SMAD3: variants seen among roughly 807,000 people sequenced by gnomAD.
The protein encoded by SMAD3 is MAD homolog 3.
Under a neutral mutation model 51.8 loss-of-function variants are expected in SMAD3, and 12 were observed. The observed-to-expected ratio is 0.23, with a 90% confidence interval of 0.15 to 0.38. The LOEUF (loss-of-function observed/expected upper bound fraction) is 0.38. Ranked by LOEUF, SMAD3 falls within the 10% of genes least tolerant of loss-of-function variation. SMAD3 has a pLI of 1.00. For missense variants in SMAD3, 294 were observed against 565.6 expected, an observed-to-expected ratio of 0.52 and a Z score of 4.87; for synonymous variants, 238 against 227.7, an observed-to-expected ratio of 1.05 and a Z score of -0.41.
intron 8 of SMAD3, among the ~76,000 whole-genome samples, chr15:67,188,664 A>G (rs1249313464): frequency 6.6e-6 from 1 of 152,222 alleles, no homozygotes; most frequent in Non-Finnish European, 1.5e-5. Context: ...CCCACATGTC[A>G]GCTAGAGCCA....
intron 1 of SMAD3, among the ~76,000 whole-genome samples, chr15:67,068,268 G>A (rs573887891): frequency 6.6e-6 from 1 of 152,214 alleles, no homozygotes; most frequent in Admixed American, 6.5e-5. Flanking sequence ...TCTTTCTGCT[G>A]CCCCATGCTG....
chr15:67,118,302 A>G (rs1961181335), intron 1 of SMAD3, among the ~76,000 whole-genome samples: 1 of 152,244 alleles, frequency 6.6e-6, no homozygotes, highest in Non-Finnish European at 1.5e-5. Context: ...AGGTGGCATA[A>G]GTAAAGATAT....
intron 1 of SMAD3, among the ~76,000 whole-genome samples, chr15:67,145,861 C>T (rs959936528): frequency 5.9e-5 from 9 of 152,054 alleles, no homozygotes; most frequent in African/African-American, 1.7e-4. Flanking sequence ...GGCTGGGGCA[C>T]GCAGAACAAC....
At chr15:67,101,153 C>T (rs1391385754) in intron 1 of SMAD3, among the ~76,000 whole-genome samples, 1 of 152,142 alleles carries the variant, frequency 6.6e-6, no homozygotes, top group African/African-American at 2.4e-5. Context: ...TCGCTTTGGG[C>T]AGTTAGCGAA....
At chr15:67,167,377 G>A (rs1377617348) in intron 4 of SMAD3, among the ~76,000 whole-genome samples, 1 of 152,150 alleles carries the variant, frequency 6.6e-6, no homozygotes, top group Non-Finnish European at 1.5e-5. Context: ...CTCCAGTGGG[G>A]AGAAGATGGG....
chr15:67,083,648 T>C (rs1438868282), intron 1 of SMAD3, among the ~76,000 whole-genome samples: 4 of 152,222 alleles, frequency 2.6e-5, no homozygotes, highest in Non-Finnish European at 4.4e-5. Flanking sequence ...GTGCTTTCAA[T>C]GTGGGGATAT....
chr15:67,120,586 G>A (rs550709336), intron 1 of SMAD3, among the ~76,000 whole-genome samples: 68 of 152,266 alleles, frequency 4.5e-4, no homozygotes, highest in African/African-American at 1.6e-3. Flanking sequence ...GGCTAGCTGC[G>A]AGGAGGGCAG....
At chr15:67,124,390 C>T (rs956974329) in intron 1 of SMAD3, among the ~76,000 whole-genome samples, 25 of 152,134 alleles carry the variant, frequency 1.6e-4, no homozygotes, top group African/African-American at 5.8e-4. Flanking sequence ...TTGTTGATCT[C>T]CACAGTGAGA....
intron 1 of SMAD3, among the ~76,000 whole-genome samples, chr15:67,073,344 A>AC (rs1960097697): frequency 6.6e-6 from 1 of 152,242 alleles, no homozygotes; most frequent in Admixed American, 6.5e-5. Context: ...TTTGGCAGAG[A>AC]CTCAGTTTAA....
intron 1 of SMAD3, among the ~76,000 whole-genome samples, chr15:67,075,785 G>A (rs1253914497): frequency 6.6e-6 from 1 of 151,910 alleles, no homozygotes; most frequent in Admixed American, 6.6e-5. Flanking sequence ...CATGGTAGCG[G>A]GCGCCTGTAA....
At chr15:67,165,489 A>AC in intron 3 of SMAD3, 105 bp downstream of exon 3, 1 of 1,383,778 alleles carries the variant, frequency 7.2e-7, no homozygotes, top group Non-Finnish European at 1.0e-6. Flanking sequence ...TCCCCCGCTC[A>AC]CCCCCTCTTT....
chr15:67,113,435 G>C (rs1485403650), intron 1 of SMAD3, among the ~76,000 whole-genome samples: 1 of 152,102 alleles, frequency 6.6e-6, no homozygotes, highest in Non-Finnish European at 1.5e-5. Flanking sequence ...AAAAGAATCT[G>C]TGGTAACTCT....
intron 5 of SMAD3, among the ~76,000 whole-genome samples, chr15:67,178,555 G>A (rs1962967386): frequency 6.6e-6 from 1 of 152,190 alleles, no homozygotes; most frequent in African/African-American, 2.4e-5. Context: ...TGAGGTTACA[G>A]AAGGAGGTCA....
intron 3 of SMAD3, among the ~76,000 whole-genome samples, chr15:67,165,675 G>C (rs143782424): frequency 1.2e-3 from 181 of 152,344 alleles, no homozygotes; most frequent in African/African-American, 4.1e-3. Flanking sequence ...TAGCAACACT[G>C]TTTCTCTCAC....
intron 1 of SMAD3, among the ~76,000 whole-genome samples, chr15:67,106,225 C>G (rs1960874739): frequency 6.6e-6 from 1 of 152,176 alleles, no homozygotes; most frequent in Non-Finnish European, 1.5e-5. Flanking sequence ...CATCTGTCAT[C>G]TGTCATATCT....
At chr15:67,159,202 C>G (rs1176279332) in intron 1 of SMAD3, among the ~76,000 whole-genome samples, 3 of 152,002 alleles carry the variant, frequency 2.0e-5, no homozygotes, top group African/African-American at 7.2e-5. Context: ...TCCCGAGTTG[C>G]TGGGACTATA....
intron 1 of SMAD3, among the ~76,000 whole-genome samples, chr15:67,158,575 C>T (rs1962345058): frequency 6.6e-6 from 1 of 152,256 alleles, no homozygotes; most frequent in African/African-American, 2.4e-5. Context: ...AGCCTGACAG[C>T]CAGGAGTCCT....
At position 67,189,464 on chromosome 15, in the gene SMAD3, G is replaced by A. The variant is rs192291069; in HGVS notation, c.1155-949G>A. 3.0e-4 allele frequency among the ~76,000 whole-genome samples: 46 copies of A among 152,368 alleles called. 1 individual carries two copies. Among genetic ancestry groups the A allele is most frequent in the Admixed American group, 2.2e-3 (34 of 15,312 alleles). Reference sequence around the variant, plus strand: ...CTTTCCCTGGGGACACTATCACCACGCGGGATGTCCTGCCAGCACACCCAG... The same window carrying A: ...CTTTCCCTGGGGACACTATCACCACACGGGATGTCCTGCCAGCACACCCAG... On this transcript the variant is annotated intron_variant, in intron 8 of 8. Transcript: ENST00000327367.
intron 1 of SMAD3, among the ~76,000 whole-genome samples, chr15:67,124,464 T>C (rs752517295): frequency 6.6e-6 from 1 of 151,468 alleles, no homozygotes; most frequent in African/African-American, 2.4e-5. Context: ...AAAAAAAATC[T>C]ATTATCTTTA....
Sources: allele counts gnomAD v4.1 joint callset (sites outside exome capture counted in the v4.1 genomes callset), GRCh38; gene constraint gnomAD v4.1.1; transcripts MANE v1.5; gene names NCBI Gene and HGNC (gene_info 2026-07-23, HGNC 2026-07-21).